The following ATP8B1 variants were observed in gnomAD, a reference collection of about 807,000 sequenced individuals.
ATP8B1 encodes phospholipid-transporting ATPase IC.
Under a neutral mutation model 149.9 loss-of-function variants are expected in ATP8B1, and 80 were observed. The ratio of observed to expected loss-of-function variants is 0.53; its 90% CI spans 0.45 to 0.64. The LOEUF is 0.64. ATP8B1 is among the 30% of genes least tolerant of loss of function. The pLI, the probability that ATP8B1 is intolerant of heterozygous loss-of-function variation, is 0.00. For synonymous variants in ATP8B1, 536 were observed against 562.8 expected (o/e 0.95, Z 0.67); for missense variants, 1,247 against 1,552.6 (o/e 0.80, Z 3.31).
rs551244183 is a variant in ATP8B1, at chr18:57,679,092, A to G, written c.1631-4070T>C. On this transcript the variant is annotated intron_variant, in intron 15 of 27. Coordinates refer to ENST00000648908, the MANE Select transcript of ATP8B1 (RefSeq NM_001374385.1). ...AAAATACAAAAAAAATTAGCCAGGC[A>G]TGGTGGCGGGTGCCTGTAGTCCCAG... is the stretch of plus-strand genomic sequence containing the variant. Among the ~76,000 whole-genome samples, 208 of 146,174 alleles carry G rather than the reference A, an allele frequency of 1.4e-3. 2 individuals carry two copies. The highest frequency in any genetic ancestry group is 4.4e-3 in the African/African-American group (177 of 39,812).
chr18:57,678,529 G>C (rs181813098), intron 15 of ATP8B1, among the ~76,000 whole-genome samples: 1 of 149,642 alleles, frequency 6.7e-6, no homozygotes, highest in Non-Finnish European at 1.5e-5. Context: ...AGAGGTTGCA[G>C]TGAACCGAGA....
At chr18:57,749,662 T>C (rs1459687750) in intron 1 of ATP8B1, among the ~76,000 whole-genome samples, 5 of 152,316 alleles carry the variant, frequency 3.3e-5, no homozygotes, top group African/African-American at 1.2e-4. Context: ...CTCACTGTCA[T>C]TGTCCCCTGT....
At chr18:57,799,719 AAAG>A (rs1360608550) in intron 1 of ATP8B1, among the ~76,000 whole-genome samples, 6 of 151,916 alleles carry the variant, frequency 3.9e-5, no homozygotes, top group Non-Finnish European at 8.8e-5. Context: ...AAAAAAAAAA[AAAG>A]AAAATGAGAA....
At chr18:57,764,756 T>TA (rs1568061359) in intron 1 of ATP8B1, among the ~76,000 whole-genome samples, 11 of 66,430 alleles carry the variant, frequency 1.7e-4, no homozygotes, top group South Asian at 7.5e-4. Flanking sequence ...CTTTCAGTTG[T>TA]CAAAAAAAAA....
intron 2 of ATP8B1, among the ~76,000 whole-genome samples, chr18:57,709,418 C>G (rs1226821604): frequency 6.6e-6 from 1 of 152,052 alleles, no homozygotes; most frequent in Non-Finnish European, 1.5e-5. Context: ...AATAGCTTTT[C>G]CAAAATTAAT....
rs1188433588 is a variant in ATP8B1 at position 57,672,911 on chromosome 18, TATATATATATATATATATATAA to T, written c.1820-1353_1820-1332del. 8.4e-4 allele frequency among the ~76,000 whole-genome samples: 61 copies of T among 72,322 alleles called. 1 individual carries two copies. In the South Asian group the frequency reaches 0.012, roughly 14 times the overall value. 47.4% of individuals were successfully genotyped at this position (72,322 alleles called of 152,430 possible). On this transcript the variant is annotated intron_variant, in intron 16 of 27. Transcript: ENST00000648908. The stretch of plus-strand genomic sequence containing the variant: ...GTATATATATATATATATATATATA[TATATATATATATATATATATAA>T]CATGTATATACACATATATACATAC...
At chr18:57,714,621 A>G (rs1485854033) in intron 2 of ATP8B1, among the ~76,000 whole-genome samples, 1 of 132,512 alleles carries the variant, frequency 7.5e-6, no homozygotes, top group African/African-American at 2.5e-5. Flanking sequence ...AGAGCAAAAA[A>G]AGAGAGAGAG....
chr18:57,748,253 C>A (rs114090925), intron 1 of ATP8B1, among the ~76,000 whole-genome samples: 2,519 of 152,264 alleles, frequency 0.017, 68 homozygotes, highest in African/African-American at 0.057. Context: ...AAATTATTAT[C>A]CCCATTCTAC....
At chr18:57,759,013 G>A (rs377421063) in intron 1 of ATP8B1, among the ~76,000 whole-genome samples, 4 of 151,150 alleles carry the variant, frequency 2.6e-5, no homozygotes, top group African/African-American at 7.3e-5. Context: ...AAAATTATCC[G>A]GGCGTGGTGG....
At chr18:57,666,684 G>A (rs1599089996) in intron 20 of ATP8B1, among the ~76,000 whole-genome samples, 1 of 151,700 alleles carries the variant, frequency 6.6e-6, no homozygotes, top group African/African-American at 2.4e-5. Context: ...AACAGGCACC[G>A]GGCACCACAC....
chr18:57,670,428 T>C (rs1178140226), intron 17 of ATP8B1, among the ~76,000 whole-genome samples: 1 of 150,964 alleles, frequency 6.6e-6, no homozygotes, highest in Non-Finnish European at 1.5e-5. Context: ...CTCGGTTCAC[T>C]GCAACCTCTG....
chr18:57,786,193 T>C (rs1049596973), intron 1 of ATP8B1, among the ~76,000 whole-genome samples: 2 of 152,166 alleles, frequency 1.3e-5, no homozygotes, highest in Admixed American at 6.5e-5. Context: ...TGGCCACTAG[T>C]GTAAACACAG....
intron 1 of ATP8B1, among the ~76,000 whole-genome samples, chr18:57,737,403 C>T (rs1226033484): frequency 1.3e-5 from 2 of 151,898 alleles, no homozygotes; most frequent in Non-Finnish European, 2.9e-5. Flanking sequence ...TTTCCTGAGA[C>T]ATGGTTTCAC....
rs1452997412 is a variant in ATP8B1, at chr18:57,771,412, CCTTACTTCCTGATCCTTCAATTCA to C, written c.-26+31562_-26+31585del. Reference sequence around the variant, plus strand: ...TGCATCTCCTATTGTTAGGCAATTCCCTTACTTCCTGATCCTTCAATTCACTTACTTCCTGATCCTTCAATTCAC... The same window carrying C: ...TGCATCTCCTATTGTTAGGCAATTCCCTTACTTCCTGATCCTTCAATTCAC... On this transcript the variant is annotated intron_variant, in intron 1 of 27. Transcript: ENST00000648908. Among the ~76,000 whole-genome samples the C allele has an allele frequency of 2.1e-3, 322 of 152,236 alleles. 2 individuals are homozygous for C. Among genetic ancestry groups the C allele is most frequent in the African/African-American group, 7.3e-3 (303 of 41,528 alleles).
At chr18:57,801,481 A>G (rs2080573963) in intron 1 of ATP8B1, among the ~76,000 whole-genome samples, 1 of 152,194 alleles carries the variant, frequency 6.6e-6, no homozygotes, top group African/African-American at 2.4e-5. Flanking sequence ...AAAGCCTTCA[A>G]CAACAGGCCC....
At chr18:57,671,004 C>T (rs1052696168) in intron 17 of ATP8B1, among the ~76,000 whole-genome samples, 2 of 152,206 alleles carry the variant, frequency 1.3e-5, no homozygotes, top group African/African-American at 4.8e-5. Context: ...ACACCAAATA[C>T]TCAATCAGTT....
At chr18:57,657,505 T>C (rs188007298) in intron 22 of ATP8B1, among the ~76,000 whole-genome samples, 13 of 152,314 alleles carry the variant, frequency 8.5e-5, no homozygotes, top group Admixed American at 7.8e-4. Flanking sequence ...TCAAAAATCC[T>C]GCCCTAGTTA....
At chr18:57,664,110 C>G (rs1910704221) in intron 20 of ATP8B1, among the ~76,000 whole-genome samples, 1 of 141,400 alleles carries the variant, frequency 7.1e-6, no homozygotes, top group African/African-American at 2.6e-5. Context: ...TGTAATTTTA[C>G]TATGTCTCGA....
intron 4 of ATP8B1, among the ~76,000 whole-genome samples, chr18:57,703,618 T>G (rs1035045131): frequency 2.0e-5 from 3 of 151,044 alleles, no homozygotes; most frequent in African/African-American, 4.9e-5. Flanking sequence ...CAGGTGGATA[T>G]TCTGAGCTTA....
Sources: allele counts gnomAD v4.1 joint callset (sites outside exome capture counted in the v4.1 genomes callset), GRCh38; gene constraint gnomAD v4.1.1; transcripts MANE v1.5; gene names NCBI Gene and HGNC (gene_info 2026-07-23, HGNC 2026-07-21).